The following MIS18A variants were observed in gnomAD, a reference collection of about 807,000 sequenced individuals.
MIS18A encodes protein Mis18-alpha.
A neutral mutation model predicts 25.0 loss-of-function variants in MIS18A; 14 were observed. The ratio of observed to expected loss-of-function variants is 0.56; its 90% confidence interval spans 0.37 to 0.88. The LOEUF is 0.88. MIS18A is among the 40% of genes least tolerant of loss of function. The pLI is 0.00. For missense variants in MIS18A, 292 were observed against 290.8 expected, an observed-to-expected ratio of 1.00 and a Z score of -0.03; for synonymous variants, 134 against 118.6, an observed-to-expected ratio of 1.13 and a Z score of -0.84.
the MIS18A span, among the ~76,000 whole-genome samples, chr21:32,247,644 C>G: frequency 6.6e-6 from 1 of 152,188 alleles, no homozygotes; most frequent in South Asian, 2.1e-4. Flanking sequence ...AGGCCTTAAT[C>G]TGACCACAGT....
At chr21:32,255,674 G>T in the MIS18A span, among the ~76,000 whole-genome samples, 1 of 151,626 alleles carries the variant, frequency 6.6e-6, no homozygotes, top group Non-Finnish European at 1.5e-5. Context: ...TGGATCACGA[G>T]GTCAGTAGAT....
the MIS18A span, among the ~76,000 whole-genome samples, chr21:32,203,543 C>G: frequency 1.5e-3 from 1 of 652 alleles, no homozygotes; most frequent in East Asian, 0.023. Flanking sequence ...TGCATAAAAA[C>G]ACATTTCCCA....
chr21:32,174,367 C>T, the MIS18A span, among the ~76,000 whole-genome samples: 1 of 152,078 alleles, frequency 6.6e-6, no homozygotes, highest in Non-Finnish European at 1.5e-5. Context: ...AAAATATATA[C>T]TATGCAAGCA....
the MIS18A span, among the ~76,000 whole-genome samples, chr21:32,226,369 TTAA>T: frequency 6.6e-6 from 1 of 152,060 alleles, no homozygotes; most frequent in East Asian, 1.9e-4. Flanking sequence ...CATTTTAAAC[TTAA>T]TGACATAAAT....
chr21:32,242,881 G>A, the MIS18A span, among the ~76,000 whole-genome samples: 3 of 152,322 alleles, frequency 2.0e-5, no homozygotes, highest in South Asian at 6.2e-4. Context: ...CTCCTAACAA[G>A]TGAGTGAACT....
chr21:32,237,930 C>A, the MIS18A span, among the ~76,000 whole-genome samples: 4 of 152,098 alleles, frequency 2.6e-5, no homozygotes, highest in African/African-American at 9.7e-5. Context: ...TTCAGTGGCT[C>A]TATGGTGTCA....
At chr21:32,228,087 G>A in the MIS18A span, among the ~76,000 whole-genome samples, 1 of 152,004 alleles carries the variant, frequency 6.6e-6, no homozygotes, top group East Asian at 1.9e-4. Context: ...GTCTTTTTTT[G>A]TTTGTTTGTT....
chr21:32,215,482 G>A, the MIS18A span, among the ~76,000 whole-genome samples: 44 of 152,226 alleles, frequency 2.9e-4, 2 homozygotes, highest in South Asian at 8.3e-3. Context: ...GGGTAGGAAC[G>A]CGAGGTAAGT....
chr21:32,182,013 A>G, the MIS18A span, among the ~76,000 whole-genome samples: 1 of 152,252 alleles, frequency 6.6e-6, no homozygotes, highest in Admixed American at 6.5e-5. Flanking sequence ...TAATAACAGT[A>G]AAATGCTTAG....
chr21:32,271,850 CCATTAT>C (rs1289548726), intron 2 of MIS18A, among the ~76,000 whole-genome samples: 4 of 152,168 alleles, frequency 2.6e-5, no homozygotes, highest in Admixed American at 6.5e-5. Context: ...AACCTCATTA[CCATTAT>C]AAGACCGCCT....
the MIS18A span, among the ~76,000 whole-genome samples, chr21:32,202,481 C>T: frequency 6.6e-6 from 1 of 152,134 alleles, no homozygotes; most frequent in African/African-American, 2.4e-5. Flanking sequence ...TCAAAATACA[C>T]ATAACATAAA....
At chr21:32,173,415 T>G in the MIS18A span, among the ~76,000 whole-genome samples, 1 of 152,192 alleles carries the variant, frequency 6.6e-6, no homozygotes, top group Non-Finnish European at 1.5e-5. Flanking sequence ...CATAGAGTTA[T>G]TGTATGACCC....
the MIS18A span, among the ~76,000 whole-genome samples, chr21:32,178,250 A>G: frequency 1.3e-5 from 2 of 152,102 alleles, no homozygotes; most frequent in Non-Finnish European, 2.9e-5. Context: ...CCTGGAAATT[A>G]AAAAAACTGT....
the MIS18A span, among the ~76,000 whole-genome samples, chr21:32,251,533 C>T: frequency 6.6e-6 from 1 of 152,142 alleles, no homozygotes. Flanking sequence ...CCCATGCCAG[C>T]GTCTAGGAAG....
At chr21:32,266,626 G>A (rs1220825194), downstream of MIS18A, among the ~76,000 whole-genome samples, 3 of 151,484 alleles carry the variant, frequency 2.0e-5, no homozygotes, top group Non-Finnish European at 4.4e-5. Context: ...TCACCGCGAA[G>A]GTCTGCAGCT....
At chr21:32,159,628 T>A in the MIS18A span, among the ~76,000 whole-genome samples, 2 of 152,236 alleles carry the variant, frequency 1.3e-5, no homozygotes, top group African/African-American at 2.4e-5. Flanking sequence ...TGAGAACATG[T>A]ACCCAATGTG....
the MIS18A span, among the ~76,000 whole-genome samples, chr21:32,202,681 A>G: frequency 2.0e-5 from 3 of 152,300 alleles, no homozygotes; most frequent in South Asian, 6.2e-4. Flanking sequence ...TTCTATGTCT[A>G]TAAAGTTAAC....
the MIS18A span, among the ~76,000 whole-genome samples, chr21:32,213,313 A>C: frequency 2.0e-5 from 3 of 152,262 alleles, no homozygotes; most frequent in African/African-American, 7.2e-5. Context: ...TAGATAGACA[A>C]AAGGAAATTA....
At chr21:32,191,085 G>A in the MIS18A span, among the ~76,000 whole-genome samples, 23,082 of 152,206 alleles carry the variant, frequency 0.15, 1,861 homozygotes, top group East Asian at 0.24. Context: ...TTGGAGAGCC[G>A]TAGCCATCTC....
Sources: allele counts gnomAD v4.1 joint callset (sites outside exome capture counted in the v4.1 genomes callset), GRCh38; gene constraint gnomAD v4.1.1; transcripts MANE v1.5; gene names NCBI Gene and HGNC (gene_info 2026-07-23, HGNC 2026-07-21).